The following VPS13A variants were observed in gnomAD, a reference collection of about 807,000 sequenced individuals.
VPS13A encodes the protein intermembrane lipid transfer protein VPS13A.
VPS13A carries 264 observed loss-of-function variants against 390.9 expected under a neutral mutation model. The observed-to-expected ratio is 0.68, with a 90% confidence interval of 0.61 to 0.75. The LOEUF (loss-of-function observed/expected upper bound fraction) is 0.75. Ranked by LOEUF, VPS13A falls within the 30% of genes least tolerant of loss-of-function variation. VPS13A has a pLI of 0.00. For synonymous variants in VPS13A, 1,231 were observed against 1,227.1 expected (o/e 1.00, Z -0.07); for missense variants, 3,409 against 3,733.9 (o/e 0.91, Z 2.27).
intron 65 of VPS13A, 55 bp from the exon 66 acceptor site, chr9:77,370,835 T>C: frequency 6.2e-7 from 1 of 1,608,834 alleles, no homozygotes; most frequent in Non-Finnish European, 8.5e-7. Flanking sequence ...CAAACTTGGT[T>C]CTTCTAGGCA....
At chr9:77,220,173 T>G (rs2131176434) in intron 11 of VPS13A, 92 bp downstream of exon 11, 1 of 1,517,662 alleles carries the variant, frequency 6.6e-7, no homozygotes, top group East Asian at 2.4e-5. Flanking sequence ...TTCATGATGT[T>G]ATATGGTAGC....
At chr9:77,330,735 C>G (rs1326157728) in intron 45 of VPS13A, among the ~76,000 whole-genome samples, 2 of 151,792 alleles carry the variant, frequency 1.3e-5, no homozygotes, top group African/African-American at 4.8e-5. Context: ...TCCATCCACA[C>G]CATGGAATTT....
intron 3 of VPS13A, among the ~76,000 whole-genome samples, chr9:77,201,681 C>T: frequency 6.6e-6 from 1 of 152,088 alleles, no homozygotes; most frequent in Middle Eastern, 3.2e-3. Flanking sequence ...GAGAGCTTAA[C>T]TGTTTCAGTT....
intron 62 of VPS13A, 24 bp downstream of exon 62, chr9:77,368,160 AG>A (rs746799051): frequency 1.1e-5 from 17 of 1,586,622 alleles, no homozygotes; most frequent in Non-Finnish European, 1.5e-5. Flanking sequence ...TATATTACAG[AG>A]GGACAGAGTG....
chr9:77,308,930 A>T (rs988542450), intron 35 of VPS13A, among the ~76,000 whole-genome samples: 20 of 152,226 alleles, frequency 1.3e-4, no homozygotes, highest in African/African-American at 4.6e-4. Context: ...TACTAGCTGG[A>T]ATAATCAAAC....
Position 77,419,793 on chromosome 9 carries a change from C to T in VPS13A, c.*3787C>T, listed in dbSNP as rs1294533187. 4 of 152,120 alleles carry T rather than the reference C, an allele frequency of 2.6e-5. No individual in the cohort carries two copies. The highest frequency in any genetic ancestry group is 1.9e-4 in the East Asian group (1 of 5,196). The allele number at this position is 152,120 out of a possible 1,614,324, so 9.4% of individuals were successfully genotyped here. A position where few individuals can be genotyped will look rare whatever the true frequency, so the allele number is the denominator to read the frequency against. On this transcript the variant is annotated 3_prime_UTR_variant, in exon 72 of 72. Transcript: ENST00000360280. ...GGGACATACATTGTCCTTTTGAGTC[C>T]GTTGAATCTGCACCATCTACCTTTT...
intron 71 of VPS13A, among the ~76,000 whole-genome samples, chr9:77,414,733 G>A (rs1835095892): frequency 1.1e-5 from 1 of 90,438 alleles, no homozygotes; most frequent in Admixed American, 1.4e-4. Context: ...AAAACTTGAA[G>A]TATAATTAAT....
rs760521936 is a variant in VPS13A, at chr9:77,368,061, A to G, written c.8478A>G (p.Ala2826=). 6.2e-6 allele frequency: 10 copies of G among 1,611,610 alleles called. No homozygotes were observed. In the Admixed American group the frequency reaches 8.3e-5, roughly 13 times the overall value. ...TDVQDVVFKL[A]FFELNYQFHT... ...ATTTTTACGCTTTTTTCAGGCTTGC[A>G]TTTTTTGAACTCAACTATCAGTTCC... The change falls in exon 62 of 72, where the codon GCA becomes GCG. Residue 2826 remains alanine, a synonymous_variant. Transcript: ENST00000360280.
chr9:77,257,733 T>A (rs932806866), intron 22 of VPS13A, among the ~76,000 whole-genome samples: 2 of 152,162 alleles, frequency 1.3e-5, no homozygotes, highest in Non-Finnish European at 2.9e-5. Flanking sequence ...GTCACTGCAC[T>A]CCAGCTTGGG....
intron 71 of VPS13A, among the ~76,000 whole-genome samples, chr9:77,409,479 C>A (rs1471771649): frequency 6.6e-6 from 1 of 152,090 alleles, no homozygotes; most frequent in Non-Finnish European, 1.5e-5. Flanking sequence ...GAGAAGAAGG[C>A]TTCAGATGAT....
chr9:77,390,621 T>G (rs1017149468), intron 68 of VPS13A, among the ~76,000 whole-genome samples: 5 of 149,152 alleles, frequency 3.4e-5, no homozygotes, highest in African/African-American at 9.9e-5. Flanking sequence ...TTTATTCATT[T>G]CCCACCGCCC....
At chr9:77,317,057 CCT>C (rs1201868449) in intron 39 of VPS13A, among the ~76,000 whole-genome samples, 1 of 151,882 alleles carries the variant, frequency 6.6e-6, no homozygotes, top group Non-Finnish European at 1.5e-5. Context: ...GTATTTTTTT[CCT>C]GATGCTTGGT....
In VPS13A at chr9:77,332,042, T is replaced by C; in HGVS notation, c.6024T>C (p.Val2008=). ...IRNHFSVPLS[V]YEGDTLLGTA... Reference sequence around the variant, plus strand: ...ATCATTTTTCAGTCCCACTGTCTGTTTACGAAGGGGATACCTTATTGGGAA... The same window carrying C: ...ATCATTTTTCAGTCCCACTGTCTGTCTACGAAGGGGATACCTTATTGGGAA... Residue 2008 remains valine (V), a synonymous_variant, in exon 46 of 72, where the codon GTT becomes GTC. Transcript: ENST00000360280. The C allele has an allele frequency of 6.2e-7, 1 of 1,611,972 alleles. No homozygotes were observed. Among genetic ancestry groups the C allele is most frequent in the Non-Finnish European group, 8.5e-7 (1 of 1,178,514 alleles).
Position 77,275,485 on chromosome 9 carries a change from C to T in VPS13A, c.2513-13C>T. Reference sequence around the variant, plus strand: ...TTTAATTATTGACTTAAATAATGTTCTGTGAAATGTAGATTCAGAGGAGGA... The same window carrying T: ...TTTAATTATTGACTTAAATAATGTTTTGTGAAATGTAGATTCAGAGGAGGA... On this transcript the variant is annotated splice_polypyrimidine_tract_variant and intron_variant, in intron 24 of 71. Coordinates refer to ENST00000360280, the MANE Select transcript of VPS13A (RefSeq NM_033305.3). 1 of 1,611,826 alleles carries T rather than the reference C, an allele frequency of 6.2e-7. No homozygotes were observed. The highest frequency in any genetic ancestry group is 8.5e-7 in the Non-Finnish European group (1 of 1,178,256).
At chr9:77,403,204 T>A in intron 68 of VPS13A, 32 bp from the exon 69 acceptor site, 2 of 1,530,898 alleles carry the variant, frequency 1.3e-6, no homozygotes, top group Non-Finnish European at 9.0e-7. Flanking sequence ...ATACTATCAA[T>A]TTTCTCATTG....
At position 77,409,769 on chromosome 9, in the gene VPS13A, A is replaced by G. The variant is rs184852763; in HGVS notation, c.9474+2162A>G. Among the ~76,000 whole-genome samples the G allele has an allele frequency of 5.2e-4, 79 of 151,250 alleles. 10 individuals are homozygous for G. The East Asian group carries it at 0.015, about 29-fold the overall frequency. The stretch of plus-strand genomic sequence containing the variant: ...AGAGAAAAAAGAATAGAAATCAACA[A>G]AGCCTCCAAGAAATATGGGACTATG... On this transcript the variant is annotated intron_variant, in intron 71 of 71. Coordinates refer to ENST00000360280, the MANE Select transcript of VPS13A (RefSeq NM_033305.3).
chr9:77,191,873 T>A (rs1246777476), intron 1 of VPS13A, among the ~76,000 whole-genome samples: 1 of 152,182 alleles, frequency 6.6e-6, no homozygotes, highest in African/African-American at 2.4e-5. Flanking sequence ...TTGGGTGAGG[T>A]GTTCTGTAGA....
intron 62 of VPS13A, 67 bp downstream of exon 62, chr9:77,368,203 C>A (rs1832543628): frequency 3.1e-6 from 4 of 1,278,728 alleles, no homozygotes; most frequent in African/African-American, 1.5e-5. Flanking sequence ...TGTGTCTATA[C>A]ATATATAATG....
chr9:77,200,065 C>CTTAAA, intron 2 of VPS13A, 77 bp downstream of exon 2: 3 of 1,281,680 alleles, frequency 2.3e-6, no homozygotes, highest in Non-Finnish European at 3.3e-6. Flanking sequence ...AGTTTGTCAC[C>CTTAAA]TTAAATTATT....
Sources: gnomAD v4.1 joint callset for allele counts (sites outside exome capture counted in the v4.1 genomes callset) on GRCh38, gnomAD v4.1.1 for gene constraint, MANE v1.5 for transcripts, NCBI Gene and HGNC (gene_info 2026-07-23, HGNC 2026-07-21) for gene names.